Variants in SGPP2 observed in about 807,000 individuals in gnomAD.
SGPP2 encodes sphingosine 1-phosphate phosphohydrolase 2.
Under a neutral mutation model 33.9 loss-of-function variants are expected in SGPP2, and 30 were observed. The ratio of observed to expected loss-of-function variants is 0.89; its 90% CI spans 0.66 to 1.20. The LOEUF is 1.20. Among genes scored for constraint, SGPP2 ranks in the 50% most tolerant of loss-of-function variants. The probability of loss-of-function intolerance (pLI) is 0.00; values close to 1 mark genes in which losing one functional copy is unlikely to be tolerated. For synonymous variants in SGPP2, 233 were observed against 225.0 expected, an observed-to-expected ratio of 1.04 and a Z score of -0.32; for missense variants, 458 against 532.1, an observed-to-expected ratio of 0.86 and a Z score of 1.37.
chr2:222,548,136 A>G (rs1158740594), intron 4 of SGPP2, among the ~76,000 whole-genome samples: 1 of 152,238 alleles, frequency 6.6e-6, no homozygotes, highest in Non-Finnish European at 1.5e-5. Flanking sequence ...CTACCAGCTA[A>G]CCTGTCATTT....
At chr2:222,482,213 A>G (rs375695895) in intron 2 of SGPP2, among the ~76,000 whole-genome samples, 2 of 152,328 alleles carry the variant, frequency 1.3e-5, no homozygotes, top group East Asian at 1.9e-4. Context: ...GACCCACTCA[A>G]GCTAACTCAG....
rs143704514 is a variant in SGPP2 at position 222,558,503 on chromosome 2, T to G, written c.805T>G (p.Tyr269Asp). 2 of 1,614,160 alleles carry G rather than the reference T, an allele frequency of 1.2e-6. No individual in the cohort carries two copies. Among genetic ancestry groups the G allele is most frequent in the South Asian group, 2.2e-5 (2 of 91,080 alleles). Residue 269 changes from tyrosine (Y) to aspartate (D), a missense_variant, in exon 5 of 5, where the codon TAC (tyrosine) becomes GAC (aspartate). Transcript: ENST00000321276. ...GTGTTACAATTACCCTGTTTCTGATTACTACAGCCCAACCCGGGCGGACAC... is the reference window on the plus strand; with the variant it reads ...GTGTTACAATTACCCTGTTTCTGATGACTACAGCCCAACCCGGGCGGACAC... The part of the protein sequence containing the change: ...FLCYNYPVSD[Y>D]YSPTRADTTT...
intron 1 of SGPP2, among the ~76,000 whole-genome samples, chr2:222,436,903 A>G (rs1697250577): frequency 6.6e-6 from 1 of 152,198 alleles, no homozygotes; most frequent in Non-Finnish European, 1.5e-5. Flanking sequence ...GGCACTCAGC[A>G]GTGGCCATAG....
In SGPP2 at chr2:222,424,765, A is replaced by C. The variant is rs1357488776; in HGVS notation, c.163A>C (p.Asn55His). 3 of 1,406,200 alleles carry C rather than the reference A, an allele frequency of 2.1e-6. No homozygotes were observed. The Middle Eastern group carries it at 7.5e-4, about 351-fold the overall frequency. The allele number at this position is 1,406,200 out of a possible 1,614,324, so 87.1% of individuals were successfully genotyped here. Reference protein sequence around the residue: ...VPGVEHLPAANGKGGEAPANG... With the variant: ...VPGVEHLPAAHGKGGEAPANG... ...CGGGGTCGAGCATCTCCCCGCAGCC[A>C]ACGGCAAGGGCGGCGAGGCTCCGGC... is the stretch of plus-strand genomic sequence containing the variant. Residue 55 changes from asparagine (N) to histidine (H), a missense_variant, in exon 1 of 5, where the codon AAC becomes CAC. Asn to His is a moderately conservative substitution (Grantham distance 68). Coordinates refer to ENST00000321276, the MANE Select transcript of SGPP2 (RefSeq NM_152386.4).
At chr2:222,523,522 A>G (rs1335041662) in intron 3 of SGPP2, among the ~76,000 whole-genome samples, 5 of 152,160 alleles carry the variant, frequency 3.3e-5, no homozygotes, top group Non-Finnish European at 7.3e-5. Context: ...GGACACATCC[A>G]TTGCAGAGCC....
chr2:222,517,923 A>G (rs1291780673), intron 2 of SGPP2, among the ~76,000 whole-genome samples: 1 of 152,208 alleles, frequency 6.6e-6, no homozygotes, highest in Non-Finnish European at 1.5e-5. Context: ...AGTTTTCTGT[A>G]TATGTACACA....
chr2:222,424,855 A>AG, intron 1 of SGPP2, 34 bp downstream of exon 1: 3 of 1,299,920 alleles, frequency 2.3e-6, no homozygotes, highest in East Asian at 3.2e-5. Context: ...GGGTACGGGG[A>AG]GGGGGCGGCT....
Position 222,474,672 on chromosome 2 carries a change from C to A in SGPP2, c.324C>A (p.Phe108Leu), listed in dbSNP as rs778173910. ...QEVFYITFLPFTHWNIDPYLS... is the reference protein window; with the variant it reads ...QEVFYITFLPLTHWNIDPYLS... ...TGTTCTACATCACGTTTCTTCCATT[C>A]ACTCACTGGAATATTGACCCTTATT... is the stretch of plus-strand genomic sequence containing the variant. The change falls in exon 2 of 5, where the codon TTC becomes TTA. Residue 108 changes from phenylalanine to leucine, a missense_variant. Physicochemically the swap from Phe to Leu is conservative, Grantham distance 22. Transcript: ENST00000321276. 1.1e-5 allele frequency: 17 copies of A among 1,613,750 alleles called. No individual in the cohort carries two copies. In the South Asian group the frequency reaches 1.9e-4, roughly 18 times the overall value.
In SGPP2 at chr2:222,562,158, G is replaced by A. The variant is rs1689554309; in HGVS notation, c.*3260G>A. On this transcript the variant is annotated 3_prime_UTR_variant, in exon 5 of 5. Coordinates refer to ENST00000321276, the MANE Select transcript of SGPP2 (RefSeq NM_152386.4). ...GGGAACTGTGACACCAAAGCCCCCA[G>A]GACTATCTGCCTCTCCAGGAGCCAG... is the stretch of plus-strand genomic sequence containing the variant. 6.6e-6 allele frequency among the ~76,000 whole-genome samples: 1 copy of A among 152,064 alleles called. No individual in the cohort carries two copies. Among genetic ancestry groups the A allele is most frequent in the Non-Finnish European group, 1.5e-5 (1 of 68,022 alleles).
intron 4 of SGPP2, among the ~76,000 whole-genome samples, chr2:222,548,989 C>CA (rs1689248125): frequency 6.6e-6 from 1 of 152,162 alleles, no homozygotes; most frequent in South Asian, 2.1e-4. Flanking sequence ...TGGTTTGTTT[C>CA]AGTTTGTTTT....
At chr2:222,536,848 A>C (rs920689980) in intron 4 of SGPP2, among the ~76,000 whole-genome samples, 2 of 152,184 alleles carry the variant, frequency 1.3e-5, no homozygotes, top group Non-Finnish European at 2.9e-5. Flanking sequence ...AGTTATTGTT[A>C]GTCTGTTCCA....
At chr2:222,539,772 C>A (rs970627864) in intron 4 of SGPP2, among the ~76,000 whole-genome samples, 1 of 152,166 alleles carries the variant, frequency 6.6e-6, no homozygotes, top group East Asian at 1.9e-4. Context: ...TCCAAGGGAG[C>A]CATTTTTATC....
intron 2 of SGPP2, among the ~76,000 whole-genome samples, chr2:222,515,456 G>A (rs562468702): frequency 6.6e-6 from 1 of 151,962 alleles, no homozygotes; most frequent in East Asian, 2.0e-4. Context: ...AGCCTCCTGA[G>A]TAGCTGGGAC....
intron 2 of SGPP2, among the ~76,000 whole-genome samples, chr2:222,496,667 C>G (rs1273721624): frequency 2.0e-5 from 3 of 152,174 alleles, no homozygotes; most frequent in Non-Finnish European, 4.4e-5. Flanking sequence ...GTTCTTATCT[C>G]TGGTGAGACC....
intron 2 of SGPP2, among the ~76,000 whole-genome samples, chr2:222,510,243 G>C (rs953375402): frequency 3.3e-5 from 5 of 152,204 alleles, no homozygotes; most frequent in Non-Finnish European, 7.3e-5. Context: ...ATACACCTAG[G>C]AGTGGAATGG....
At chr2:222,451,817 G>T (rs1232377391) in intron 1 of SGPP2, among the ~76,000 whole-genome samples, 4 of 152,238 alleles carry the variant, frequency 2.6e-5, no homozygotes, top group Admixed American at 2.0e-4. Context: ...GAAACTCATG[G>T]CCTAGCAGTT....
intron 1 of SGPP2, among the ~76,000 whole-genome samples, chr2:222,438,539 A>T (rs1271849436): frequency 6.6e-6 from 1 of 152,266 alleles, no homozygotes; most frequent in African/African-American, 2.4e-5. Flanking sequence ...GGTGGGCCTC[A>T]TGGACAGGAA....
chr2:222,466,408 G>A (rs1181195813), intron 1 of SGPP2, among the ~76,000 whole-genome samples: 1 of 151,970 alleles, frequency 6.6e-6, no homozygotes, highest in Non-Finnish European at 1.5e-5. Context: ...ACAAGCGCAT[G>A]CCACCATGCC....
intron 2 of SGPP2, among the ~76,000 whole-genome samples, chr2:222,505,723 CAGA>C (rs1389149426): frequency 1.3e-5 from 2 of 151,922 alleles, no homozygotes; most frequent in Non-Finnish European, 2.9e-5. Flanking sequence ...TGCTTGAGCT[CAGA>C]AGTTCAAGAC....
Sources: allele counts gnomAD v4.1 joint callset (sites outside exome capture counted in the v4.1 genomes callset), GRCh38; gene constraint gnomAD v4.1.1; transcripts MANE v1.5; gene names NCBI Gene and HGNC (gene_info 2026-07-23, HGNC 2026-07-21).